FOXN3: variants seen among roughly 807,000 people sequenced by gnomAD.
The protein encoded by FOXN3 is forkhead box N3.
In FOXN3, 7 loss-of-function variants were observed where a neutral mutation model predicts 38.4. That is an observed-to-expected ratio of 0.18 (90% CI 0.10 to 0.34). The LOEUF (loss-of-function observed/expected upper bound fraction) is 0.34, where lower values mean the gene tolerates loss of function less well. FOXN3 is among the 10% of genes least tolerant of loss of function. FOXN3 has a pLI of 1.00. For synonymous variants in FOXN3, 230 were observed against 242.2 expected (o/e 0.95, Z 0.47); for missense variants, 456 against 613.4 (o/e 0.74, Z 2.71).
intron 5 of FOXN3, among the ~76,000 whole-genome samples, chr14:89,177,435 T>C (rs1460543277): frequency 6.6e-6 from 1 of 152,178 alleles, no homozygotes; most frequent in African/African-American, 2.4e-5. Flanking sequence ...ACTCCTTAAT[T>C]AGACTATACA....
At chr14:89,549,782 A>G (rs1173082417) in intron 1 of FOXN3, among the ~76,000 whole-genome samples, 2 of 152,170 alleles carry the variant, frequency 1.3e-5, no homozygotes, top group Non-Finnish European at 2.9e-5. Flanking sequence ...GGAGGCTGCA[A>G]CCCAAGCGAG....
At chr14:89,325,259 C>T (rs1276753544) in intron 3 of FOXN3, among the ~76,000 whole-genome samples, 13 of 147,194 alleles carry the variant, frequency 8.8e-5, no homozygotes, top group African/African-American at 3.3e-4. Context: ...ACCACCACCA[C>T]CACCACCATC....
chr14:89,378,706 CTT>C (rs35772860), intron 2 of FOXN3, among the ~76,000 whole-genome samples: 38 of 136,882 alleles, frequency 2.8e-4, no homozygotes, highest in South Asian at 1.2e-3. Flanking sequence ...TCTTTTTGCA[CTT>C]TTTTTTTTTT....
intron 1 of FOXN3, among the ~76,000 whole-genome samples, chr14:89,507,539 G>A (rs1205759701): frequency 6.6e-6 from 1 of 152,162 alleles, no homozygotes; most frequent in East Asian, 1.9e-4. Context: ...TAACTTTATT[G>A]TAAGGAGAAA....
At chr14:89,480,683 T>C (rs1191310256) in intron 1 of FOXN3, among the ~76,000 whole-genome samples, 2 of 152,220 alleles carry the variant, frequency 1.3e-5, no homozygotes, top group African/African-American at 2.4e-5. Context: ...ACATAAATCA[T>C]TATTAGAATG....
At position 89,390,313 on chromosome 14, in the gene FOXN3, CTA is replaced by C. The variant is rs56143578; in HGVS notation, c.543+21619_543+21620del. Among the ~76,000 whole-genome samples the C allele has an allele frequency of 2.2e-4, 31 of 143,550 alleles. No individual in the cohort carries two copies. The East Asian group carries it at 4.0e-3, about 18-fold the overall frequency. The allele number at this position is 143,550 out of a possible 152,430, so 94.2% of individuals were successfully genotyped here. ...TCTCTTTCTCTCTCTCTCTCTCTCT[CTA>C]TATATATATAAATATTATCTATATA... On this transcript the variant is annotated intron_variant, in intron 2 of 5. Coordinates refer to ENST00000557258, the MANE Select transcript of FOXN3 (RefSeq NM_005197.4).
At chr14:89,279,888 G>A (rs752780131) in intron 4 of FOXN3, among the ~76,000 whole-genome samples, 37 of 152,128 alleles carry the variant, frequency 2.4e-4, no homozygotes, top group South Asian at 8.3e-4. Context: ...GAGCTACTAC[G>A]GAAACCTGAA....
intron 1 of FOXN3, among the ~76,000 whole-genome samples, chr14:89,486,286 T>C (rs565690365): frequency 4.6e-4 from 70 of 152,312 alleles, no homozygotes; most frequent in African/African-American, 1.7e-3. Flanking sequence ...TTCCCAGCAA[T>C]GTTCTGGTGG....
chr14:89,322,313 T>C (rs980042757), intron 3 of FOXN3, among the ~76,000 whole-genome samples: 5 of 152,240 alleles, frequency 3.3e-5, no homozygotes, highest in Non-Finnish European at 7.3e-5. Context: ...TGTGTGGTTC[T>C]ACCCATACAA....
intron 1 of FOXN3, among the ~76,000 whole-genome samples, chr14:89,430,548 T>C (rs1042663502): frequency 6.6e-6 from 1 of 152,218 alleles, no homozygotes; most frequent in African/African-American, 2.4e-5. Flanking sequence ...CTACTGTCAC[T>C]ACTAAAAGCA....
chr14:89,593,492 C>A (rs1363013291), intron 1 of FOXN3, among the ~76,000 whole-genome samples: 1 of 151,996 alleles, frequency 6.6e-6, no homozygotes, highest in Admixed American at 6.5e-5. Flanking sequence ...ATACAAAAAT[C>A]ATTGGTCTCA....
chr14:89,478,399 T>G (rs891782415), intron 1 of FOXN3, among the ~76,000 whole-genome samples: 16 of 152,234 alleles, frequency 1.1e-4, no homozygotes, highest in African/African-American at 3.9e-4. Flanking sequence ...AAGGGCTGTT[T>G]GTTGAATAAA....
chr14:89,386,510 C>A (rs1257543040), intron 2 of FOXN3, among the ~76,000 whole-genome samples: 1 of 152,232 alleles, frequency 6.6e-6, no homozygotes. Context: ...GTAACTTAAC[C>A]AACTTCTAAA....
At position 89,410,850 on chromosome 14, in the gene FOXN3, G is replaced by A. The variant is rs1345283066; in HGVS notation, c.543+1084C>T. On this transcript the variant is annotated intron_variant, in intron 2 of 5. Coordinates refer to ENST00000557258, the MANE Select transcript of FOXN3 (RefSeq NM_005197.4). ...ATCACACCATTGCACTCCAGCCTGG[G>A]TGACAGAGCAAGACCCTGGTCCCAA... Among the ~76,000 whole-genome samples, 9 of 151,378 alleles carry A rather than the reference G, an allele frequency of 5.9e-5. No individual in the cohort carries two copies. The South Asian group carries it at 8.3e-4, about 14-fold the overall frequency.
chr14:89,357,619 A>AAG (rs112652118), intron 2 of FOXN3, among the ~76,000 whole-genome samples: 92 of 151,720 alleles, frequency 6.1e-4, no homozygotes, highest in African/African-American at 8.4e-4. Flanking sequence ...AAAAAAAAAA[A>AAG]AGAGAGAGAG....
At chr14:89,379,071 T>C (rs1223681386) in intron 2 of FOXN3, among the ~76,000 whole-genome samples, 1 of 152,166 alleles carries the variant, frequency 6.6e-6, no homozygotes, top group African/African-American at 2.4e-5. Context: ...TCTTGGAATA[T>C]GAGTTCTAGA....
chr14:89,609,308 C>G (rs902990528), intron 1 of FOXN3, among the ~76,000 whole-genome samples: 6 of 152,172 alleles, frequency 3.9e-5, no homozygotes, highest in South Asian at 2.1e-4. Context: ...CTCAAGTAAT[C>G]CTCCCACATC....
intron 1 of FOXN3, among the ~76,000 whole-genome samples, chr14:89,557,457 G>A (rs999277568): frequency 1.3e-5 from 2 of 152,076 alleles, no homozygotes; most frequent in East Asian, 1.9e-4. Flanking sequence ...TCATTCCAAG[G>A]GAATCTAATG....
intron 4 of FOXN3, among the ~76,000 whole-genome samples, chr14:89,259,107 C>T (rs1210399022): frequency 6.6e-6 from 1 of 152,222 alleles, no homozygotes; most frequent in African/African-American, 2.4e-5. Flanking sequence ...CCCAGTCACT[C>T]AGAGACAAGA....
Sources: allele counts gnomAD v4.1 joint callset (sites outside exome capture counted in the v4.1 genomes callset), GRCh38; gene constraint gnomAD v4.1.1; transcripts MANE v1.5; gene names NCBI Gene and HGNC (gene_info 2026-07-23, HGNC 2026-07-21).